Variants in GALNTL6 observed in about 807,000 individuals in gnomAD.
The protein encoded by GALNTL6 is polypeptide N-acetylgalactosaminyltransferase-like 6.
A neutral mutation model predicts 73.7 loss-of-function variants in GALNTL6; 46 were observed. The ratio of observed to expected loss-of-function variants is 0.62; its 90% CI spans 0.49 to 0.80. The LOEUF is 0.80. Among genes scored for constraint, GALNTL6 ranks in the 30% least tolerant of loss-of-function variants. The pLI is 0.00. For synonymous variants in GALNTL6, 259 were observed against 263.7 expected (o/e 0.98, Z 0.17); for missense variants, 604 against 755.0 (o/e 0.80, Z 2.34).
chr4:172,693,297 C>A (rs1373654168), intron 5 of GALNTL6, among the ~76,000 whole-genome samples: 1 of 152,058 alleles, frequency 6.6e-6, no homozygotes, highest in Non-Finnish European at 1.5e-5. Flanking sequence ...CTCTTATTTC[C>A]TAATCCCACT....
chr4:172,963,854 G>C (rs1482113382), intron 10 of GALNTL6, among the ~76,000 whole-genome samples: 1 of 152,230 alleles, frequency 6.6e-6, no homozygotes, highest in Admixed American at 6.5e-5. Flanking sequence ...GGAAGAAGGA[G>C]AAACTCCAAA....
At chr4:172,174,493 A>G (rs1734931388) in intron 2 of GALNTL6, among the ~76,000 whole-genome samples, 1 of 152,140 alleles carries the variant, frequency 6.6e-6, no homozygotes, top group African/African-American at 2.4e-5. Context: ...CACTTTCCAA[A>G]ATTACTTTAT....
At chr4:172,233,684 A>G (rs1306865149) in intron 3 of GALNTL6, among the ~76,000 whole-genome samples, 1 of 152,058 alleles carries the variant, frequency 6.6e-6, no homozygotes, top group African/African-American at 2.4e-5. Context: ...AACTATTACT[A>G]TCTGGTATAG....
At chr4:172,447,516 G>A (rs1319316464) in intron 5 of GALNTL6, among the ~76,000 whole-genome samples, 1 of 152,102 alleles carries the variant, frequency 6.6e-6, no homozygotes, top group East Asian at 1.9e-4. Flanking sequence ...CTTCATGTAG[G>A]TATACCTGGC....
chr4:172,643,486 G>A (rs560400730), intron 5 of GALNTL6, among the ~76,000 whole-genome samples: 1 of 152,052 alleles, frequency 6.6e-6, no homozygotes, highest in Non-Finnish European at 1.5e-5. Context: ...ATGTATTCAT[G>A]TAACTATTAT....
At chr4:172,420,978 C>T (rs556449407) in intron 5 of GALNTL6, among the ~76,000 whole-genome samples, 206 of 151,640 alleles carry the variant, frequency 1.4e-3, no homozygotes, top group African/African-American at 4.6e-3. Flanking sequence ...CACATGGACA[C>T]GGGGAGGGGA....
chr4:172,933,023 A>G (rs953958397), intron 9 of GALNTL6, among the ~76,000 whole-genome samples: 24 of 152,234 alleles, frequency 1.6e-4, no homozygotes, highest in African/African-American at 5.8e-4. Context: ...TAAAGTAATT[A>G]AAGAGCTGAA....
At chr4:172,987,441 T>G (rs772930843) in intron 10 of GALNTL6, among the ~76,000 whole-genome samples, 16 of 152,134 alleles carry the variant, frequency 1.1e-4, no homozygotes, top group Non-Finnish European at 2.2e-4. Context: ...ACTGGGTCCC[T>G]CCCATGACAC....
chr4:171,947,440 G>C (rs1365893968), intron 2 of GALNTL6, among the ~76,000 whole-genome samples: 1 of 151,666 alleles, frequency 6.6e-6, no homozygotes, highest in African/African-American at 2.4e-5. Flanking sequence ...GGTCAGAGCA[G>C]AGGCAACAGA....
intron 5 of GALNTL6, among the ~76,000 whole-genome samples, chr4:172,529,126 A>G (rs1735083902): frequency 6.6e-6 from 1 of 150,468 alleles, no homozygotes; most frequent in African/African-American, 2.4e-5. Context: ...TATTAATGTA[A>G]ATAACTGGTA....
At position 172,450,083 on chromosome 4, in the gene GALNTL6, G is replaced by A. The variant is rs984313296; in HGVS notation, c.553+101394G>A. 1.1e-4 allele frequency among the ~76,000 whole-genome samples: 16 copies of A among 151,976 alleles called. 1 individual carries two copies. Among genetic ancestry groups the A allele is most frequent in the African/African-American group, 3.6e-4 (15 of 41,464 alleles). On this transcript the variant is annotated intron_variant, in intron 5 of 12. Transcript: ENST00000506823. ...AAATACAAAATTAGCCAGGTGTGGT[G>A]GTACACACCTGTAATCCCAGCTACT...
At chr4:172,525,141 A>G (rs1734909667) in intron 5 of GALNTL6, among the ~76,000 whole-genome samples, 1 of 152,232 alleles carries the variant, frequency 6.6e-6, no homozygotes, top group Non-Finnish European at 1.5e-5. Flanking sequence ...CCAAAAGCAC[A>G]CTTATAATTG....
chr4:172,058,113 G>GTTGTTTTGTTATGTT (rs1553988695), intron 2 of GALNTL6, among the ~76,000 whole-genome samples: 1 of 146,266 alleles, frequency 6.8e-6, no homozygotes, highest in Non-Finnish European at 1.5e-5. Flanking sequence ...GGCTGAAGTG[G>GTTGTTTTGTTATGTT]TTGTTTTGTT....
chr4:172,513,611 T>G (rs544416687), intron 5 of GALNTL6, among the ~76,000 whole-genome samples: 25 of 152,320 alleles, frequency 1.6e-4, no homozygotes, highest in Non-Finnish European at 2.9e-4. Context: ...CACAGGGTAC[T>G]CCCTTGATGT....
chr4:173,018,970 T>C (rs1752886085), intron 11 of GALNTL6, among the ~76,000 whole-genome samples: 2 of 152,172 alleles, frequency 1.3e-5, no homozygotes, highest in African/African-American at 4.8e-5. Flanking sequence ...GGAAGGCAGA[T>C]GTGTGGTAAC....
chr4:172,641,358 G>A (rs1178684830), intron 5 of GALNTL6, among the ~76,000 whole-genome samples: 3 of 152,018 alleles, frequency 2.0e-5, no homozygotes, highest in African/African-American at 4.8e-5. Flanking sequence ...GAATTACAAG[G>A]CCCTGCCAGT....
chr4:172,552,138 C>T (rs1400404611), intron 5 of GALNTL6, among the ~76,000 whole-genome samples: 3 of 152,174 alleles, frequency 2.0e-5, no homozygotes, highest in African/African-American at 7.2e-5. Flanking sequence ...AATAAATTTT[C>T]GTTGAATAAT....
intron 2 of GALNTL6, among the ~76,000 whole-genome samples, chr4:172,148,431 T>C (rs563646695): frequency 8.6e-5 from 13 of 151,866 alleles, no homozygotes; most frequent in African/African-American, 2.7e-4. Context: ...CAAAAACGTA[T>C]TGTTAGCCAG....
intron 5 of GALNTL6, among the ~76,000 whole-genome samples, chr4:172,730,928 A>C (rs1046997741): frequency 6.6e-6 from 1 of 152,008 alleles, no homozygotes; most frequent in African/African-American, 2.4e-5. Context: ...AAAATACAAA[A>C]ATTTAGCCAG....
Sources: gnomAD v4.1 joint callset for allele counts (sites outside exome capture counted in the v4.1 genomes callset) on GRCh38, gnomAD v4.1.1 for gene constraint, MANE v1.5 for transcripts, NCBI Gene and HGNC (gene_info 2026-07-23, HGNC 2026-07-21) for gene names.